The following PABPC4L variants were observed in gnomAD, a reference collection of about 807,000 sequenced individuals.
PABPC4L encodes polyadenylate-binding protein 4-like.
For synonymous variants in PABPC4L, 169 were observed against 164.1 expected, an observed-to-expected ratio of 1.03 and a Z score of -0.23; for missense variants, 452 against 451.4, an observed-to-expected ratio of 1.00 and a Z score of -0.01.
chr4:134,016,763 C>A, the PABPC4L span, among the ~76,000 whole-genome samples: 2 of 152,254 alleles, frequency 1.3e-5, no homozygotes, highest in East Asian at 3.9e-4. Flanking sequence ...CATTTCCTTT[C>A]CATCCTGGAA....
chr4:134,125,677 A>C, the PABPC4L span, among the ~76,000 whole-genome samples: 1 of 152,198 alleles, frequency 6.6e-6, no homozygotes, highest in Non-Finnish European at 1.5e-5. Context: ...TTATTTTAAA[A>C]TGTGAATATG....
At chr4:133,987,276 G>A in the PABPC4L span, among the ~76,000 whole-genome samples, 1 of 152,138 alleles carries the variant, frequency 6.6e-6, no homozygotes, top group Non-Finnish European at 1.5e-5. Flanking sequence ...TGAAGCAGGT[G>A]ATAAGCTGCA....
chr4:134,008,149 T>C, the PABPC4L span, among the ~76,000 whole-genome samples: 1 of 151,810 alleles, frequency 6.6e-6, no homozygotes, highest in South Asian at 2.1e-4. Flanking sequence ...AATGGTTATT[T>C]TGTTTCAAAT....
the PABPC4L span, among the ~76,000 whole-genome samples, chr4:134,021,059 A>G: frequency 6.6e-6 from 1 of 152,134 alleles, no homozygotes; most frequent in African/African-American, 2.4e-5. Flanking sequence ...CAAGGCTTGT[A>G]TGTCCCAGGA....
chr4:134,014,722 G>T, the PABPC4L span, among the ~76,000 whole-genome samples: 1 of 151,876 alleles, frequency 6.6e-6, no homozygotes, highest in African/African-American at 2.4e-5. Context: ...TCACAGTGAA[G>T]GGTAAGTCTG....
chr4:134,119,638 T>G, the PABPC4L span, among the ~76,000 whole-genome samples: 1 of 151,634 alleles, frequency 6.6e-6, no homozygotes, highest in African/African-American at 2.4e-5. Flanking sequence ...TCAATACATC[T>G]TACCCTGCAA....
chr4:134,064,529 C>A, the PABPC4L span, among the ~76,000 whole-genome samples: 111 of 152,152 alleles, frequency 7.3e-4, 1 homozygote, highest in African/African-American at 2.6e-3. Context: ...GTCTGCCTCT[C>A]TCACCTCTCT....
At chr4:134,163,100 A>T in the PABPC4L span, among the ~76,000 whole-genome samples, 5 of 152,166 alleles carry the variant, frequency 3.3e-5, no homozygotes, top group Admixed American at 1.3e-4. Context: ...AATAAAATTG[A>T]TAGACCATTA....
the PABPC4L span, among the ~76,000 whole-genome samples, chr4:134,073,547 T>C: frequency 1.3e-5 from 2 of 149,314 alleles, no homozygotes; most frequent in Non-Finnish European, 3.0e-5. Context: ...GGCTGGAGGA[T>C]GGTGGTTCTT....
At chr4:133,955,430 G>C in the PABPC4L span, among the ~76,000 whole-genome samples, 12 of 151,806 alleles carry the variant, frequency 7.9e-5, no homozygotes, top group African/African-American at 1.2e-4. Flanking sequence ...TTAGATTATA[G>C]GTATTTCAAA....
rs978931171 is a variant in PABPC4L at position 134,199,837 on chromosome 4, A to G, written c.*70T>C. The stretch of plus-strand genomic sequence containing the variant: ...TGGAATATGAAATTTACTGAGGTCA[A>G]TTCAGGCAGAGATCACTATCATTCT... On this transcript the variant is annotated 3_prime_UTR_variant, in exon 2 of 2. Coordinates refer to ENST00000421491, the MANE Select transcript of PABPC4L (RefSeq NM_001114734.2). 5 of 1,509,124 alleles carry G rather than the reference A, an allele frequency of 3.3e-6. No individual in the cohort carries two copies. Among genetic ancestry groups the G allele is most frequent in the Non-Finnish European group, 4.4e-6 (5 of 1,128,440 alleles). The allele number at this position is 1,509,124 out of a possible 1,614,324, so 93.5% of individuals were successfully genotyped here.
chr4:134,017,835 T>C, the PABPC4L span, among the ~76,000 whole-genome samples: 1 of 152,066 alleles, frequency 6.6e-6, no homozygotes, highest in African/African-American at 2.4e-5. Context: ...TAGGTTCCCA[T>C]GCCGCCCCTA....
chr4:134,079,386 C>T, the PABPC4L span, among the ~76,000 whole-genome samples: 2 of 146,590 alleles, frequency 1.4e-5, no homozygotes, highest in African/African-American at 5.1e-5. Context: ...CGAGACCATC[C>T]TGGCTAATAC....
At chr4:134,071,105 G>A in the PABPC4L span, among the ~76,000 whole-genome samples, 1 of 152,140 alleles carries the variant, frequency 6.6e-6, no homozygotes, top group Non-Finnish European at 1.5e-5. Flanking sequence ...AGGTCATAAG[G>A]TCTCCTGCTG....
rs1729702767 is a variant in PABPC4L, at chr4:134,197,580, T to C, written c.*2327A>G. On this transcript the variant is annotated 3_prime_UTR_variant, in exon 2 of 2. Transcript: ENST00000421491. Reference sequence around the variant, plus strand: ...GGAAAAGTCTAAAATGTAGTCATAATATGCAAAGAAATCTAAAAATCCATG... The same window carrying C: ...GGAAAAGTCTAAAATGTAGTCATAACATGCAAAGAAATCTAAAAATCCATG... The C allele has an allele frequency of 6.6e-6, 1 of 151,670 alleles. No individual in the cohort carries two copies. The highest frequency in any genetic ancestry group is 1.5e-5 in the Non-Finnish European group (1 of 67,638). The allele number at this position is 151,670 out of a possible 1,614,324, so 9.4% of individuals were successfully genotyped here.
the PABPC4L span, among the ~76,000 whole-genome samples, chr4:134,006,757 A>C: frequency 6.6e-6 from 1 of 151,830 alleles, no homozygotes; most frequent in Non-Finnish European, 1.5e-5. Context: ...TTTCTTAGTA[A>C]TATTGCTGAT....
chr4:134,041,249 A>G, the PABPC4L span, among the ~76,000 whole-genome samples: 1 of 152,138 alleles, frequency 6.6e-6, no homozygotes, highest in Non-Finnish European at 1.5e-5. Context: ...ATTATAAATT[A>G]TTCTACCATA....
chr4:134,017,900 C>T, the PABPC4L span, among the ~76,000 whole-genome samples: 1 of 151,996 alleles, frequency 6.6e-6, no homozygotes, highest in Admixed American at 6.6e-5. Flanking sequence ...CATACCACCC[C>T]CCAAAATTTT....
the PABPC4L span, among the ~76,000 whole-genome samples, chr4:133,976,720 A>T: frequency 6.6e-6 from 1 of 152,068 alleles, no homozygotes; most frequent in South Asian, 2.1e-4. Flanking sequence ...AGTGATATTG[A>T]TCTTTTTTTC....
Sources: gnomAD v4.1 joint callset for allele counts (sites outside exome capture counted in the v4.1 genomes callset) on GRCh38, gnomAD v4.1.1 for gene constraint, MANE v1.5 for transcripts, NCBI Gene and HGNC (gene_info 2026-07-23, HGNC 2026-07-21) for gene names.